TTLL7: variants seen among roughly 807,000 people sequenced by gnomAD.
TTLL7 encodes tubulin polyglutamylase TTLL7.
TTLL7 carries 53 observed loss-of-function variants against 120.2 expected under a neutral mutation model. That is an observed-to-expected ratio of 0.44 (90% CI 0.35 to 0.55). TTLL7 has a LOEUF of 0.55. Among genes scored for constraint, TTLL7 ranks in the 20% least tolerant of loss-of-function variants. The probability of loss-of-function intolerance (pLI) is 0.00; values close to 1 mark genes in which losing one functional copy is unlikely to be tolerated. For missense variants in TTLL7, 803 were observed against 1,054.7 expected (o/e 0.76, Z 3.31); for synonymous variants, 353 against 351.7 (o/e 1.00, Z -0.04).
intron 1 of TTLL7, among the ~76,000 whole-genome samples, chr1:83,962,804 G>C (rs996986425): frequency 5.9e-5 from 9 of 152,078 alleles, no homozygotes; most frequent in Non-Finnish European, 1.3e-4. Context: ...CGTGATGGCA[G>C]GAGTTGTAGC....
chr1:83,929,053 C>T (rs916744530), intron 10 of TTLL7, 83 bp downstream of exon 10: 2 of 732,998 alleles, frequency 2.7e-6, no homozygotes, highest in African/African-American at 3.7e-5. Context: ...ATATACTATT[C>T]TGAAAAGCCA....
chr1:83,932,377 T>C (rs1659666205), intron 9 of TTLL7, among the ~76,000 whole-genome samples: 1 of 152,118 alleles, frequency 6.6e-6, no homozygotes, highest in African/African-American at 2.4e-5. Context: ...GAAGGGTCCA[T>C]AGTGCATAGT....
At chr1:83,976,550 C>G (rs1651508239) in intron 1 of TTLL7, among the ~76,000 whole-genome samples, 1 of 151,966 alleles carries the variant, frequency 6.6e-6, no homozygotes, top group South Asian at 2.1e-4. Flanking sequence ...TAATAATGAA[C>G]TGCATCTTTC....
chr1:83,890,441 G>A lies in TTLL7; in HGVS notation c.2249C>T (p.Pro750Leu). 6.2e-7 allele frequency: 1 copy of A among 1,612,874 alleles called. No individual in the cohort carries two copies. The highest frequency in any genetic ancestry group is 2.2e-5 in the East Asian group (1 of 44,816). ...IVKTSIRTVL[P>L]RIWKVPDVEE... Reference sequence around the variant, plus strand: ...AACATCAGGCACCTTCCAGATGCGTGGAAGAACTGTACGAATACTTGTTTT... The same window carrying A: ...AACATCAGGCACCTTCCAGATGCGTAGAAGAACTGTACGAATACTTGTTTT... The change falls in exon 19 of 21, where the codon CCA (proline) becomes CTA (leucine). Residue 750 changes from proline to leucine, a missense_variant. Transcript: ENST00000260505.
At chr1:83,883,209 A>C in intron 19 of TTLL7, 73 bp from the exon 20 acceptor site, 1 of 1,239,420 alleles carries the variant, frequency 8.1e-7, no homozygotes, top group South Asian at 1.6e-5. Context: ...TCACTTCCCT[A>C]GCAACAAACC....
Position 83,883,123 on chromosome 1 carries a change from T to A in TTLL7, c.2383A>T (p.Ser795Cys). The A allele has an allele frequency of 6.2e-7, 1 of 1,602,580 alleles. No individual in the cohort carries two copies. Among genetic ancestry groups the A allele is most frequent in the Non-Finnish European group, 8.5e-7 (1 of 1,175,000 alleles). The change falls in exon 20 of 21, where the codon AGT becomes TGT. Residue 795 changes from serine (S) to cysteine (C), a missense_variant. By Grantham distance (112) the Ser-to-Cys change is moderately radical (BLOSUM62 -1). Transcript: ENST00000260505. Reference protein sequence around the residue: ...CFCDSGSSWESIFNKSPEVVT... With the variant: ...CFCDSGSSWECIFNKSPEVVT... Reference sequence around the variant, plus strand: ...ACCTCCGGGCTTTTATTGAATATACTCTCCCAAGAGGATCTGTTGGCATGG... The same window carrying A: ...ACCTCCGGGCTTTTATTGAATATACACTCCCAAGAGGATCTGTTGGCATGG...
intron 6 of TTLL7, among the ~76,000 whole-genome samples, chr1:83,944,350 A>T (rs1648267727): frequency 6.6e-6 from 1 of 152,210 alleles, no homozygotes; most frequent in South Asian, 2.1e-4. Context: ...CCATATCAAG[A>T]TACATTATAT....
intron 15 of TTLL7, among the ~76,000 whole-genome samples, chr1:83,909,263 T>C (rs1440719485): frequency 7.5e-6 from 1 of 133,126 alleles, no homozygotes; most frequent in East Asian, 2.0e-4. Context: ...ATTACTTTTT[T>C]TTTTCCTTTT....
At chr1:83,947,054 A>T in intron 6 of TTLL7, 70 bp downstream of exon 6, 1 of 1,273,220 alleles carries the variant, frequency 7.9e-7, no homozygotes, top group Non-Finnish European at 1.1e-6. Flanking sequence ...ATGAGTAATT[A>T]TGCACATTTA....
At chr1:83,984,196 T>G (rs1218676064) in intron 1 of TTLL7, 2 of 152,046 alleles carry the variant, frequency 1.3e-5, no homozygotes, top group African/African-American at 4.8e-5. Flanking sequence ...ATCAGAGAAA[T>G]GCAAATCAAA....
intron 1 of TTLL7, among the ~76,000 whole-genome samples, chr1:83,969,995 C>A (rs887036163): frequency 6.6e-6 from 1 of 151,968 alleles, no homozygotes; most frequent in Non-Finnish European, 1.5e-5. Context: ...TCACTGTCTA[C>A]CTGCTTCACA....
At chr1:83,964,661 C>A (rs1650295783) in intron 1 of TTLL7, among the ~76,000 whole-genome samples, 1 of 152,042 alleles carries the variant, frequency 6.6e-6, no homozygotes, top group Admixed American at 6.6e-5. Flanking sequence ...CAGAGAAGTT[C>A]AGAGCTTTGC....
intron 18 of TTLL7, among the ~76,000 whole-genome samples, chr1:83,896,669 A>G (rs1413503661): frequency 6.6e-6 from 1 of 152,118 alleles, no homozygotes; most frequent in African/African-American, 2.4e-5. Context: ...AGAAGCAGCC[A>G]CAGTAGGTAT....
At chr1:83,978,643 A>G (rs532165732) in intron 1 of TTLL7, among the ~76,000 whole-genome samples, 3 of 152,192 alleles carry the variant, frequency 2.0e-5, no homozygotes, top group Non-Finnish European at 4.4e-5. Context: ...TAACTCATTT[A>G]TTAAAAATTA....
intron 18 of TTLL7, among the ~76,000 whole-genome samples, chr1:83,892,469 TATGAACATATGA>T (rs1362853975): frequency 5.8e-5 from 5 of 86,886 alleles, no homozygotes; most frequent in South Asian, 3.2e-4. Flanking sequence ...TGAACATATA[TATGAACATATGA>T]ATGAACATAT....
chr1:83,882,870 G>A (rs1654638311), intron 20 of TTLL7, 93 bp downstream of exon 20: 1 of 1,403,672 alleles, frequency 7.1e-7, no homozygotes, highest in South Asian at 1.3e-5. Flanking sequence ...TTTTTCTCTA[G>A]TCACATAAAC....
At chr1:83,989,886 T>G (rs1030138042) in intron 1 of TTLL7, among the ~76,000 whole-genome samples, 8 of 152,182 alleles carry the variant, frequency 5.3e-5, no homozygotes, top group Non-Finnish European at 1.0e-4. Context: ...TTCACCTCCT[T>G]GATTAGATGT....
chr1:83,919,271 T>TGC (rs937902259), intron 13 of TTLL7, among the ~76,000 whole-genome samples: 1 of 151,594 alleles, frequency 6.6e-6, no homozygotes, highest in Non-Finnish European at 1.5e-5. Flanking sequence ...TGTGTGTGTG[T>TGC]GTGTGTGTGT....
At chr1:83,903,482 G>A (rs1030382481) in intron 18 of TTLL7, among the ~76,000 whole-genome samples, 6 of 151,842 alleles carry the variant, frequency 4.0e-5, no homozygotes, top group South Asian at 2.1e-4. Context: ...GAGGACTGGC[G>A]TCAGGACCCC....
Sources: allele counts gnomAD v4.1 joint callset (sites outside exome capture counted in the v4.1 genomes callset), GRCh38; gene constraint gnomAD v4.1.1; transcripts MANE v1.5; gene names NCBI Gene and HGNC (gene_info 2026-07-23, HGNC 2026-07-21).